Variants in MAD1L1 observed in about 807,000 individuals in gnomAD.
MAD1L1 encodes the protein mitotic arrest deficient 1 like 1.
In MAD1L1, 95 loss-of-function variants were observed where a neutral mutation model predicts 96.9. The observed-to-expected ratio is 0.98, with a 90% CI of 0.83 to 1.16. The LOEUF (loss-of-function observed/expected upper bound fraction) is 1.16, where lower values mean the gene tolerates loss of function less well. Ranked by LOEUF, MAD1L1 falls within the 50% of genes most tolerant of loss-of-function variation. The pLI, the probability that MAD1L1 is intolerant of heterozygous loss-of-function variation, is 0.00. For synonymous variants in MAD1L1, 473 were observed against 396.6 expected (o/e 1.19, Z -2.29); for missense variants, 1,007 against 954.4 (o/e 1.06, Z -0.73).
At chr7:1,905,199 G>T (rs373161156) in intron 17 of MAD1L1, among the ~76,000 whole-genome samples, 1 of 88,656 alleles carries the variant, frequency 1.1e-5, no homozygotes, top group African/African-American at 4.3e-5. Flanking sequence ...TACGGAAGAC[G>T]CTCTTGCGGA....
chr7:1,989,497 C>G (rs923051206), intron 14 of MAD1L1, among the ~76,000 whole-genome samples: 8 of 152,212 alleles, frequency 5.3e-5, no homozygotes, highest in African/African-American at 1.2e-4. Flanking sequence ...TGGGAGCCCT[C>G]GGCGGCGGGA....
intron 11 of MAD1L1, among the ~76,000 whole-genome samples, chr7:2,091,376 A>T (rs2128545125): frequency 6.6e-6 from 1 of 152,350 alleles, no homozygotes; most frequent in East Asian, 1.9e-4. Flanking sequence ...ACACAGACGC[A>T]TCTGCCTGCA....
At chr7:2,033,260 C>A (rs977898936) in intron 12 of MAD1L1, among the ~76,000 whole-genome samples, 3 of 152,244 alleles carry the variant, frequency 2.0e-5, no homozygotes, top group Non-Finnish European at 4.4e-5. Context: ...GCACAGAACA[C>A]CTGGGTGCGG....
At chr7:1,832,849 C>T (rs1483535992) in intron 18 of MAD1L1, among the ~76,000 whole-genome samples, 2 of 152,096 alleles carry the variant, frequency 1.3e-5, no homozygotes, top group African/African-American at 2.4e-5. Context: ...CCAGGCTGGT[C>T]TCGAACTACT....
intron 11 of MAD1L1, among the ~76,000 whole-genome samples, chr7:2,131,872 G>A (rs1788524056): frequency 6.6e-6 from 1 of 152,202 alleles, no homozygotes; most frequent in Non-Finnish European, 1.5e-5. Context: ...TCGGCAACTG[G>A]CAGTCACACA....
chr7:1,975,777 C>G (rs1780608301), intron 15 of MAD1L1, among the ~76,000 whole-genome samples: 1 of 152,078 alleles, frequency 6.6e-6, no homozygotes, highest in Non-Finnish European at 1.5e-5. Context: ...CCTCTCGTCC[C>G]CTGAGGCAGG....
At chr7:2,225,216 C>A (rs942069930) in intron 4 of MAD1L1, among the ~76,000 whole-genome samples, 194 bp downstream of exon 4, 2 of 108,300 alleles carry the variant, frequency 1.8e-5, no homozygotes, top group African/African-American at 2.7e-5. Context: ...TTTCCTACGG[C>A]CTGGCAGGTA....
intron 15 of MAD1L1, among the ~76,000 whole-genome samples, chr7:1,976,815 G>A (rs1413698433): frequency 2.6e-5 from 4 of 152,048 alleles, no homozygotes; most frequent in Non-Finnish European, 5.9e-5. Context: ...AGTGCTGACT[G>A]GTGAATTTAC....
At chr7:1,932,763 G>A (rs767554406) in intron 17 of MAD1L1, among the ~76,000 whole-genome samples, 4 of 152,220 alleles carry the variant, frequency 2.6e-5, no homozygotes, top group Non-Finnish European at 5.9e-5. Flanking sequence ...TCAGGGAGAC[G>A]TCCTTGAGGC....
At position 2,222,723 on chromosome 7, in the gene MAD1L1, G is replaced by A. The variant is rs200930173; in HGVS notation, c.323C>T (p.Thr108Met). The A allele has an allele frequency of 2.0e-5, 32 of 1,607,442 alleles. No homozygotes were observed. The East Asian group carries it at 2.0e-4, about 10-fold the overall frequency. The part of the protein sequence containing the change: ...REVDRNQELL[T>M]RIRQLQEREA... ...CCGCTCCTGAAGCTGCCGGATGCGC[G>A]TCAGGAGCTCCTGGTTGCGGTCGAC... Residue 108 changes from threonine (T) to methionine (M), a missense_variant, in exon 5 of 19, where the codon ACG becomes ATG. By Grantham distance (81) the Thr-to-Met change is moderately conservative (BLOSUM62 -1). Transcript: ENST00000265854.
At chr7:2,029,769 G>A (rs945574867) in intron 12 of MAD1L1, among the ~76,000 whole-genome samples, 5 of 152,082 alleles carry the variant, frequency 3.3e-5, no homozygotes, top group African/African-American at 4.8e-5. Flanking sequence ...AGGGCACTCT[G>A]CATGACACAC....
intron 15 of MAD1L1, among the ~76,000 whole-genome samples, chr7:1,969,608 A>G (rs1780318793): frequency 6.6e-6 from 1 of 152,242 alleles, no homozygotes; most frequent in Non-Finnish European, 1.5e-5. Context: ...ATGCCAGGCT[A>G]CAGAAAACCC....
At chr7:1,997,886 G>A (rs1387683122) in intron 14 of MAD1L1, among the ~76,000 whole-genome samples, 1 of 152,192 alleles carries the variant, frequency 6.6e-6, no homozygotes, top group Non-Finnish European at 1.5e-5. Flanking sequence ...CGTCCCTCGG[G>A]AGCCCTGCGG....
At chr7:1,998,802 CAG>C (rs1423283220) in intron 14 of MAD1L1, among the ~76,000 whole-genome samples, 3 of 151,380 alleles carry the variant, frequency 2.0e-5, no homozygotes, top group African/African-American at 7.3e-5. Context: ...CACCTGCACT[CAG>C]GGGAACCAGA....
chr7:2,179,491 G>T (rs1230170110), intron 10 of MAD1L1, among the ~76,000 whole-genome samples: 2 of 149,110 alleles, frequency 1.3e-5, no homozygotes, highest in Admixed American at 1.3e-4. Flanking sequence ...TCGCGCCATT[G>T]CACTCCAGCC....
chr7:1,922,183 G>A (rs1013465298), intron 17 of MAD1L1, among the ~76,000 whole-genome samples: 11 of 152,208 alleles, frequency 7.2e-5, no homozygotes, highest in South Asian at 2.1e-4. Flanking sequence ...CCAGCCCAGC[G>A]GCGAGCGCCC....
intron 11 of MAD1L1, among the ~76,000 whole-genome samples, chr7:2,111,102 G>A (rs1048926399): frequency 2.6e-5 from 4 of 152,208 alleles, no homozygotes; most frequent in Admixed American, 6.5e-5. Flanking sequence ...CAAGTCCTCC[G>A]ACGAAAAGTA....
At chr7:2,149,484 G>C (rs1462411693) in intron 10 of MAD1L1, among the ~76,000 whole-genome samples, 1 of 152,144 alleles carries the variant, frequency 6.6e-6, no homozygotes, top group East Asian at 1.9e-4. Flanking sequence ...TTCACCTGTA[G>C]AAACAGAGAC....
chr7:2,226,585 A>G lies in MAD1L1; in HGVS notation c.151-1035T>C, dbSNP rs538178160. Among the ~76,000 whole-genome samples the G allele has an allele frequency of 3.9e-5, 6 of 152,340 alleles. No individual in the cohort carries two copies. The East Asian group carries it at 1.2e-3, about 29-fold the overall frequency. ...TGGGTACGACCTGCTCAGCTGGAGG[A>G]AAAGGCAGAGTCACTGACTCTTCAC... is the stretch of plus-strand genomic sequence containing the variant. On this transcript the variant is annotated intron_variant, in intron 3 of 18. Coordinates refer to ENST00000265854, the MANE Select transcript of MAD1L1 (RefSeq NM_001013836.2).
Sources: gnomAD v4.1 joint callset for allele counts (sites outside exome capture counted in the v4.1 genomes callset) on GRCh38, gnomAD v4.1.1 for gene constraint, MANE v1.5 for transcripts, NCBI Gene and HGNC (gene_info 2026-07-23, HGNC 2026-07-21) for gene names.